Variants in NAALADL2 observed in about 807,000 individuals in gnomAD.
The protein encoded by NAALADL2 is N-acetylated alpha-linked acidic dipeptidase like 2.
Under a neutral mutation model 87.2 loss-of-function variants are expected in NAALADL2, and 76 were observed. The ratio of observed to expected loss-of-function variants is 0.87; its 90% CI spans 0.72 to 1.05. NAALADL2 has a LOEUF of 1.05. Among genes scored for constraint, NAALADL2 ranks in the 50% least tolerant of loss-of-function variants. NAALADL2 has a pLI of 0.00. For missense variants in NAALADL2, 1,089 were observed against 945.8 expected (o/e 1.15, Z -1.99); for synonymous variants, 354 against 331.0 (o/e 1.07, Z -0.75).
At chr3:174,807,786 T>C (rs903143998) in intron 3 of NAALADL2, among the ~76,000 whole-genome samples, 2 of 152,074 alleles carry the variant, frequency 1.3e-5, no homozygotes, top group African/African-American at 4.8e-5. Flanking sequence ...ATACCTTGTA[T>C]TTAAAATAAA....
At chr3:174,834,736 A>T (rs78367804) in intron 3 of NAALADL2, among the ~76,000 whole-genome samples, 2,985 of 151,994 alleles carry the variant, frequency 0.02, 104 homozygotes, top group African/African-American at 0.069. Context: ...CAAATTTAAG[A>T]AAAAATATAT....
intron 3 of NAALADL2, among the ~76,000 whole-genome samples, chr3:174,775,933 A>T (rs1031325536): frequency 6.6e-6 from 1 of 152,188 alleles, no homozygotes; most frequent in Admixed American, 6.5e-5. Context: ...AGCACCTCTG[A>T]AAAACAGCTT....
chr3:174,856,509 G>A (rs1314138818), upstream of NAALADL2, among the ~76,000 whole-genome samples: 2 of 152,066 alleles, frequency 1.3e-5, no homozygotes, highest in African/African-American at 4.8e-5. Context: ...CGTATGTCCA[G>A]TTTATTCACA....
intron 1 of NAALADL2, among the ~76,000 whole-genome samples, chr3:174,972,505 C>A (rs1363134291): frequency 6.6e-6 from 1 of 152,144 alleles, no homozygotes; most frequent in Non-Finnish European, 1.5e-5. Context: ...TCCTTGATAT[C>A]TCTTTCTTTT....
intron 11 of NAALADL2, 125 bp from the exon 12 acceptor site, chr3:175,737,181 C>A: frequency 1.6e-5 from 9 of 564,102 alleles, no homozygotes; most frequent in South Asian, 6.8e-5. Flanking sequence ...TTTTATAAAA[C>A]TATATTATTC....
rs561303009 is a variant in NAALADL2, at chr3:175,474,670, C to T, written c.1653+2912C>T. On this transcript the variant is annotated intron_variant, in intron 9 of 13. Transcript: ENST00000454872. The stretch of plus-strand genomic sequence containing the variant: ...ACGGCATCTCTGTCACAGTCACGCT[C>T]TCAGCATCACACAACTGCTGCTGGC... Among the ~76,000 whole-genome samples the T allele has an allele frequency of 2.0e-5, 3 of 152,142 alleles. No homozygotes were observed. In the East Asian group the frequency reaches 5.8e-4, roughly 29 times the overall value.
At chr3:175,480,588 A>T (rs1051099752) in intron 9 of NAALADL2, among the ~76,000 whole-genome samples, 1 of 151,910 alleles carries the variant, frequency 6.6e-6, no homozygotes, top group African/African-American at 2.4e-5. Flanking sequence ...GAAATTTCAG[A>T]ATCTAAATGA....
At chr3:174,998,657 A>T (rs1300709753) in intron 1 of NAALADL2, among the ~76,000 whole-genome samples, 1 of 152,166 alleles carries the variant, frequency 6.6e-6, no homozygotes, top group Admixed American at 6.5e-5. Flanking sequence ...AGTAATCTGC[A>T]TGTTGAGTCA....
intron 13 of NAALADL2, among the ~76,000 whole-genome samples, chr3:175,797,787 A>G (rs1337218324): frequency 6.6e-6 from 1 of 152,114 alleles, no homozygotes; most frequent in Admixed American, 6.6e-5. Context: ...TTGAATTAGA[A>G]GCTTCCATAA....
intron 1 of NAALADL2, among the ~76,000 whole-genome samples, chr3:175,090,478 G>A (rs565945280): frequency 6.6e-6 from 1 of 151,966 alleles, no homozygotes; most frequent in African/African-American, 2.4e-5. Context: ...GGCCCCAAAG[G>A]TTGGCCTACT....
intron 2 of NAALADL2, among the ~76,000 whole-genome samples, chr3:174,575,145 A>G: frequency 6.6e-6 from 1 of 152,116 alleles, no homozygotes; most frequent in East Asian, 1.9e-4. Flanking sequence ...AAAAATTTAA[A>G]TAATTTGGTA....
intron 1 of NAALADL2, among the ~76,000 whole-genome samples, chr3:174,926,638 T>C (rs1039998276): frequency 6.6e-6 from 1 of 152,050 alleles, no homozygotes; most frequent in South Asian, 2.1e-4. Context: ...TAAAATACTT[T>C]ACAGACAAGC....
intron 4 of NAALADL2, among the ~76,000 whole-genome samples, chr3:175,309,904 C>T (rs1758158335): frequency 6.6e-6 from 1 of 152,170 alleles, no homozygotes. Flanking sequence ...TTTTCAGTGT[C>T]ATGCCCAGCA....
chr3:175,293,439 G>A (rs979480829), intron 4 of NAALADL2, among the ~76,000 whole-genome samples: 10 of 152,122 alleles, frequency 6.6e-5, no homozygotes, highest in African/African-American at 1.9e-4. Flanking sequence ...AAAAAGATGG[G>A]CAAACTGTTT....
chr3:174,824,677 A>C (rs1294414803), intron 3 of NAALADL2, among the ~76,000 whole-genome samples: 1 of 152,216 alleles, frequency 6.6e-6, no homozygotes, highest in Admixed American at 6.5e-5. Flanking sequence ...CAATTAGGAG[A>C]TAATTCATTA....
chr3:175,604,143 C>A (rs1343411447), intron 10 of NAALADL2, among the ~76,000 whole-genome samples: 1 of 151,934 alleles, frequency 6.6e-6, no homozygotes, highest in Non-Finnish European at 1.5e-5. Context: ...AACAGCTGTC[C>A]CATTTTACAT....
At chr3:174,640,597 C>T (rs1200751671) in intron 2 of NAALADL2, among the ~76,000 whole-genome samples, 6 of 152,296 alleles carry the variant, frequency 3.9e-5, no homozygotes, top group Non-Finnish European at 7.4e-5. Context: ...AGGTACTTGC[C>T]CCAGGGCTGC....
At chr3:175,267,936 C>T (rs950964827) in intron 4 of NAALADL2, among the ~76,000 whole-genome samples, 2 of 152,134 alleles carry the variant, frequency 1.3e-5, no homozygotes, top group South Asian at 4.1e-4. Context: ...GTCTTCATAT[C>T]ACCTAGCCTT....
At position 175,763,601 on chromosome 3, in the gene NAALADL2, G is replaced by A. The variant is rs142544680; in HGVS notation, c.2189+8183G>A. ...AAAGATCTTTGATTTTAATCTTTTAGTATACAAATAGAAAGCAATGGGATT... is the reference window on the plus strand; with the variant it reads ...AAAGATCTTTGATTTTAATCTTTTAATATACAAATAGAAAGCAATGGGATT... On this transcript the variant is annotated intron_variant, in intron 13 of 13. Transcript: ENST00000454872. Among the ~76,000 whole-genome samples the A allele has an allele frequency of 6.7e-4, 102 of 152,216 alleles. No individual in the cohort carries two copies. In the East Asian group the frequency reaches 8.5e-3, roughly 13 times the overall value.
Sources: gnomAD v4.1 joint callset for allele counts (sites outside exome capture counted in the v4.1 genomes callset) on GRCh38, gnomAD v4.1.1 for gene constraint, MANE v1.5 for transcripts, NCBI Gene and HGNC (gene_info 2026-07-23, HGNC 2026-07-21) for gene names.